NKAIN2: variants seen among roughly 807,000 people sequenced by gnomAD.
NKAIN2 encodes the protein sodium/potassium-transporting ATPase subunit beta-1-interacting protein 2.
NKAIN2 carries 14 observed loss-of-function variants against 32.6 expected under a neutral mutation model. That is an observed-to-expected ratio of 0.43 (90% CI 0.28 to 0.67). The LOEUF is 0.67. NKAIN2 is among the 30% of genes least tolerant of loss of function. NKAIN2 has a pLI of 0.17. For missense variants in NKAIN2, 198 were observed against 258.3 expected (o/e 0.77, Z 1.60); for synonymous variants, 80 against 87.2 (o/e 0.92, Z 0.46).
At chr6:124,577,911 G>A (rs979471384) in intron 3 of NKAIN2, among the ~76,000 whole-genome samples, 5 of 152,136 alleles carry the variant, frequency 3.3e-5, no homozygotes, top group African/African-American at 9.6e-5. Context: ...CCTGAGGCCC[G>A]CATTCCAGGC....
At chr6:124,549,301 G>A (rs180712476) in intron 3 of NKAIN2, among the ~76,000 whole-genome samples, 1 of 152,292 alleles carries the variant, frequency 6.6e-6, no homozygotes. Flanking sequence ...CCGGGATGCG[G>A]AGGTTGCAGT....
chr6:124,431,773 C>T (rs1169583746), intron 3 of NKAIN2, among the ~76,000 whole-genome samples: 1 of 152,038 alleles, frequency 6.6e-6, no homozygotes, highest in African/African-American at 2.4e-5. Flanking sequence ...AACACACACA[C>T]ACATATATAA....
chr6:124,507,914 G>A (rs566786234), intron 3 of NKAIN2, among the ~76,000 whole-genome samples: 167 of 152,112 alleles, frequency 1.1e-3, no homozygotes, highest in Non-Finnish European at 2.0e-3. Context: ...TTAGGAAACA[G>A]ACTCAAGAAT....
At chr6:124,136,895 A>G (rs1466831008) in intron 1 of NKAIN2, among the ~76,000 whole-genome samples, 2 of 152,152 alleles carry the variant, frequency 1.3e-5, no homozygotes, top group Admixed American at 6.5e-5. Context: ...ACAGACCCAC[A>G]TCTAATATCA....
At chr6:124,456,721 T>A (rs1384260714) in intron 3 of NKAIN2, among the ~76,000 whole-genome samples, 1 of 152,006 alleles carries the variant, frequency 6.6e-6, no homozygotes, top group African/African-American at 2.4e-5. Flanking sequence ...TCTTTTAGAA[T>A]GCCATTTGTC....
chr6:124,378,329 G>T (rs1583155638), intron 3 of NKAIN2, among the ~76,000 whole-genome samples: 1 of 152,042 alleles, frequency 6.6e-6, no homozygotes, highest in African/African-American at 2.4e-5. Context: ...AGCTACCCAG[G>T]GTGTGAAGAG....
At chr6:124,256,885 GT>G (rs568654193) in intron 1 of NKAIN2, among the ~76,000 whole-genome samples, 2,323 of 75,924 alleles carry the variant, frequency 0.031, 17 homozygotes, top group African/African-American at 0.069. Context: ...GCTTTCTGTT[GT>G]TTTTTTTTTT....
chr6:124,297,478 T>A (rs1796102931), intron 2 of NKAIN2, among the ~76,000 whole-genome samples: 1 of 152,072 alleles, frequency 6.6e-6, no homozygotes, highest in African/African-American at 2.4e-5. Flanking sequence ...GGTCTTGGTG[T>A]CTCAGGAGTG....
intron 1 of NKAIN2, among the ~76,000 whole-genome samples, chr6:124,212,606 A>G (rs2114665691): frequency 6.6e-6 from 1 of 152,206 alleles, no homozygotes; most frequent in South Asian, 2.1e-4. Context: ...AGTCATTGCT[A>G]TATATTTCCA....
intron 3 of NKAIN2, among the ~76,000 whole-genome samples, chr6:124,525,839 C>T (rs1180292658): frequency 6.6e-6 from 1 of 152,056 alleles, no homozygotes. Flanking sequence ...TGATTCCAAA[C>T]CTGAGAAGCC....
chr6:124,158,607 A>G (rs117894201), intron 1 of NKAIN2, among the ~76,000 whole-genome samples: 3,122 of 152,240 alleles, frequency 0.021, 37 homozygotes, highest in Non-Finnish European at 0.029. Flanking sequence ...GACATTCACT[A>G]TTTATCCCCT....
At chr6:124,617,799 T>C (rs1384839138) in intron 3 of NKAIN2, among the ~76,000 whole-genome samples, 2 of 152,320 alleles carry the variant, frequency 1.3e-5, no homozygotes, top group African/African-American at 4.8e-5. Flanking sequence ...AAGCATTGTA[T>C]AGAGGTAACA....
chr6:124,059,468 A>C (rs564756065), intron 1 of NKAIN2, among the ~76,000 whole-genome samples: 1 of 152,036 alleles, frequency 6.6e-6, no homozygotes, highest in East Asian at 1.9e-4. Flanking sequence ...ACCTGTCACC[A>C]TCCTCCCTTC....
intron 4 of NKAIN2, among the ~76,000 whole-genome samples, chr6:124,758,673 C>T (rs1778078829): frequency 6.6e-6 from 1 of 152,128 alleles, no homozygotes; most frequent in Admixed American, 6.5e-5. Context: ...TCCATTCTGC[C>T]AGGGAATTCT....
chr6:124,309,933 T>C (rs1032277832), intron 2 of NKAIN2, among the ~76,000 whole-genome samples: 1 of 152,138 alleles, frequency 6.6e-6, no homozygotes, highest in African/African-American at 2.4e-5. Context: ...ACCTTCATTC[T>C]CACTCTTGGG....
intron 1 of NKAIN2, among the ~76,000 whole-genome samples, chr6:123,957,828 A>G (rs1777667103): frequency 6.6e-6 from 1 of 152,234 alleles, no homozygotes; most frequent in South Asian, 2.1e-4. Flanking sequence ...GTTAAAATAC[A>G]ATTTGAAAAA....
chr6:124,475,226 A>C (rs573247713), intron 3 of NKAIN2, among the ~76,000 whole-genome samples: 2 of 152,100 alleles, frequency 1.3e-5, no homozygotes, highest in Non-Finnish European at 2.9e-5. Flanking sequence ...GAACCTGAGC[A>C]GGGTGGCCTC....
chr6:124,674,533 C>T (rs1258752784), intron 4 of NKAIN2, among the ~76,000 whole-genome samples: 1 of 151,782 alleles, frequency 6.6e-6, no homozygotes, highest in African/African-American at 2.4e-5. Context: ...TCTTTAATTA[C>T]TTAGCAATGT....
intron 3 of NKAIN2, among the ~76,000 whole-genome samples, chr6:124,474,760 A>G (rs960089295): frequency 6.7e-6 from 1 of 150,044 alleles, no homozygotes; most frequent in Non-Finnish European, 1.5e-5. Context: ...ATACTTCTGT[A>G]CCCTGTCTAG....
Sources: allele counts gnomAD v4.1 joint callset (sites outside exome capture counted in the v4.1 genomes callset), GRCh38; gene constraint gnomAD v4.1.1; transcripts MANE v1.5; gene names NCBI Gene and HGNC (gene_info 2026-07-23, HGNC 2026-07-21).